GALNT18: variants seen among roughly 807,000 people sequenced by gnomAD.
GALNT18 encodes GalNAc-transferase 18.
A neutral mutation model predicts 69.5 loss-of-function variants in GALNT18; 44 were observed. The ratio of observed to expected loss-of-function variants is 0.63; its 90% CI spans 0.50 to 0.81. GALNT18 has a LOEUF of 0.81. Among genes scored for constraint, GALNT18 ranks in the 40% least tolerant of loss-of-function variants. The probability of loss-of-function intolerance (pLI) is 0.00; values close to 1 mark genes in which losing one functional copy is unlikely to be tolerated. For synonymous variants in GALNT18, 364 were observed against 318.2 expected (o/e 1.14, Z -1.53); for missense variants, 715 against 810.0 (o/e 0.88, Z 1.42).
At chr11:11,429,515 A>C (rs1398130611) in intron 3 of GALNT18, among the ~76,000 whole-genome samples, 1 of 152,166 alleles carries the variant, frequency 6.6e-6, no homozygotes, top group East Asian at 1.9e-4. Flanking sequence ...TGCCTCCTGG[A>C]AATGGGGTAG....
chr11:11,557,052 C>A (rs1032803271), intron 1 of GALNT18, among the ~76,000 whole-genome samples: 1 of 152,158 alleles, frequency 6.6e-6, no homozygotes, highest in African/African-American at 2.4e-5. Flanking sequence ...CCTAGACAGT[C>A]TCAGGACACG....
At position 11,511,182 on chromosome 11, in the gene GALNT18, A is replaced by G. The variant is rs889381896; in HGVS notation, c.236-62246T>C. 1.3e-5 allele frequency among the ~76,000 whole-genome samples: 2 copies of G among 152,188 alleles called. No individual in the cohort carries two copies. Among genetic ancestry groups the G allele is most frequent in the East Asian group, 1.9e-4 (1 of 5,194 alleles). ...CTGAATGAGGTTTCTCGCTGTGAATAATGGCATTGAAGTATTCAAGGGCTG... is the reference window on the plus strand; with the variant it reads ...CTGAATGAGGTTTCTCGCTGTGAATGATGGCATTGAAGTATTCAAGGGCTG... On this transcript the variant is annotated intron_variant, in intron 1 of 10. Transcript: ENST00000227756. This position sits in a 1 kb window ranked among gnomAD's most constrained non-coding sequence, Gnocchi z 4.9.
chr11:11,523,071 C>G lies in GALNT18; in HGVS notation c.236-74135G>C, dbSNP rs552126468. ...TGCCAAGAAAGTAGCAATTTACATG[C>G]TTTTTCTTATTACAAGCCCTTTCAT... is the stretch of plus-strand genomic sequence containing the variant. On this transcript the variant is annotated intron_variant, in intron 1 of 10. Coordinates refer to ENST00000227756, the MANE Select transcript of GALNT18 (RefSeq NM_198516.3). This position sits in a 1 kb window ranked among gnomAD's most constrained non-coding sequence, Gnocchi z 4.3. Among the ~76,000 whole-genome samples the G allele has an allele frequency of 1.3e-5, 2 of 152,326 alleles. No homozygotes were observed. Among genetic ancestry groups the G allele is most frequent in the African/African-American group, 4.8e-5 (2 of 41,572 alleles).
chr11:11,517,815 A>T (rs937287744), intron 1 of GALNT18, among the ~76,000 whole-genome samples: 16 of 152,176 alleles, frequency 1.1e-4, no homozygotes, highest in African/African-American at 3.9e-4. Context: ...CCCACTCAGA[A>T]GAAGGCTTGA....
intron 7 of GALNT18, among the ~76,000 whole-genome samples, chr11:11,334,433 C>T (rs1850074426): frequency 6.6e-6 from 1 of 151,748 alleles, no homozygotes; most frequent in African/African-American, 2.4e-5. Flanking sequence ...GTCCCAGCTA[C>T]ATGGGAGGCT....
intron 6 of GALNT18, among the ~76,000 whole-genome samples, chr11:11,365,937 G>C (rs117666837): frequency 1.3e-5 from 2 of 152,302 alleles, no homozygotes; most frequent in Non-Finnish European, 2.9e-5. Context: ...CGAAGCAAAG[G>C]TATGTACATA....
intron 1 of GALNT18, among the ~76,000 whole-genome samples, chr11:11,550,061 A>G (rs1858153037): frequency 6.6e-6 from 1 of 152,240 alleles, no homozygotes; most frequent in African/African-American, 2.4e-5. Context: ...CAGGACTCTG[A>G]TGGCAGCCCT....
intron 10 of GALNT18, among the ~76,000 whole-genome samples, chr11:11,278,236 A>AT (rs778140214): frequency 8.6e-5 from 13 of 151,772 alleles, no homozygotes; most frequent in Non-Finnish European, 1.6e-4. Context: ...CCCACCTTTA[A>AT]TGTTAGACAG....
chr11:11,561,520 T>G (rs1858506108), intron 1 of GALNT18, among the ~76,000 whole-genome samples: 1 of 152,174 alleles, frequency 6.6e-6, no homozygotes, highest in South Asian at 2.1e-4. Flanking sequence ...AGGATTGTGG[T>G]AAGGATTGAG....
chr11:11,350,550 G>A (rs1490078002), intron 6 of GALNT18, among the ~76,000 whole-genome samples: 2 of 152,174 alleles, frequency 1.3e-5, no homozygotes, highest in African/African-American at 4.8e-5. Context: ...ACTGAGCCAG[G>A]AGTAGAGTGG....
chr11:11,394,716 C>T (rs1463621279), intron 3 of GALNT18, among the ~76,000 whole-genome samples: 3 of 152,338 alleles, frequency 2.0e-5, no homozygotes, highest in East Asian at 3.9e-4. Flanking sequence ...GCCCATTGCT[C>T]GAGACAGCAT....
intron 1 of GALNT18, among the ~76,000 whole-genome samples, chr11:11,597,926 C>T (rs1859540918): frequency 6.6e-6 from 1 of 152,140 alleles, no homozygotes; most frequent in African/African-American, 2.4e-5. Flanking sequence ...TCCCAAAGTG[C>T]TGGGATTACA....
intron 1 of GALNT18, among the ~76,000 whole-genome samples, chr11:11,585,114 T>C (rs751642163): frequency 6.6e-6 from 1 of 152,188 alleles, no homozygotes; most frequent in Non-Finnish European, 1.5e-5. Flanking sequence ...AAATGACTAA[T>C]GTATAATATT....
chr11:11,589,448 C>T (rs1025046820), intron 1 of GALNT18, among the ~76,000 whole-genome samples: 1 of 151,754 alleles, frequency 6.6e-6, no homozygotes, highest in African/African-American at 2.4e-5. Flanking sequence ...TGCCGTATTG[C>T]TAAAAATGAC....
intron 1 of GALNT18, among the ~76,000 whole-genome samples, chr11:11,473,978 T>C (rs1856332227): frequency 6.6e-6 from 1 of 152,188 alleles, no homozygotes; most frequent in Non-Finnish European, 1.5e-5. Flanking sequence ...GGCAGGAGAA[T>C]GGCTTGAACC....
intron 1 of GALNT18, among the ~76,000 whole-genome samples, chr11:11,610,912 C>T (rs1003165678): frequency 2.6e-5 from 4 of 152,156 alleles, no homozygotes; most frequent in African/African-American, 9.7e-5. Context: ...AAGCCTGTCC[C>T]GCTTGTTGAA....
chr11:11,481,769 C>T (rs1856536416), intron 1 of GALNT18, among the ~76,000 whole-genome samples: 1 of 152,106 alleles, frequency 6.6e-6, no homozygotes, highest in South Asian at 2.1e-4. Flanking sequence ...CACGACAGCA[C>T]CTGCTGCACC....
In GALNT18 at chr11:11,309,138, CT is replaced by C. The variant is rs1280425477; in HGVS notation, c.1513-15946del. Among the ~76,000 whole-genome samples, 5 of 151,970 alleles carry C rather than the reference CT, an allele frequency of 3.3e-5. No individual in the cohort carries two copies. The highest frequency in any genetic ancestry group is 1.2e-4 in the African/African-American group (5 of 41,364). ...GTGCCATCATCAAGGGAATGGGTTC[CT>C]TGTAAAAGGACAAGTTTAGTCCCCT... On this transcript the variant is annotated intron_variant, in intron 9 of 10. Transcript: ENST00000227756. This position sits in a 1 kb window ranked among gnomAD's most constrained non-coding sequence, Gnocchi z 4.6.
rs1056091187 is a variant in GALNT18, at chr11:11,619,131, C to G, written c.235+2228G>C. Among the ~76,000 whole-genome samples, 2 of 152,160 alleles carry G rather than the reference C, an allele frequency of 1.3e-5. No homozygotes were observed. Among genetic ancestry groups the G allele is most frequent in the Admixed American group, 6.5e-5 (1 of 15,278 alleles). ...ATCATGGCACAGCCAACCTGGTAAC[C>G]TCTGCCCCTGCCTGCCTCATTTCCA... On this transcript the variant is annotated intron_variant, in intron 1 of 10. Transcript: ENST00000227756. This position sits in a 1 kb window ranked among gnomAD's most constrained non-coding sequence, Gnocchi z 4.9.
Sources: allele counts gnomAD v4.1 joint callset (sites outside exome capture counted in the v4.1 genomes callset), GRCh38; gene constraint gnomAD v4.1.1; non-coding constraint Gnocchi (gnomAD v3.1); transcripts MANE v1.5; gene names NCBI Gene and HGNC (gene_info 2026-07-23, HGNC 2026-07-21).